Variants in RANBP17 observed in about 807,000 individuals in gnomAD.
RANBP17 encodes ran-binding protein 17.
In RANBP17, 158 loss-of-function variants were observed where a neutral mutation model predicts 141.2. The ratio of observed to expected loss-of-function variants is 1.12; its 90% confidence interval spans 0.98 to 1.28. RANBP17 has a LOEUF of 1.28. Among genes scored for constraint, RANBP17 ranks in the 50% most tolerant of loss-of-function variants. The pLI is 0.00. For missense variants in RANBP17, 1,438 were observed against 1,290.7 expected (o/e 1.11, Z -1.75); for synonymous variants, 430 against 450.0 (o/e 0.96, Z 0.56).
chr5:171,050,587 G>C (rs1321773097), intron 14 of RANBP17, among the ~76,000 whole-genome samples: 1 of 152,082 alleles, frequency 6.6e-6, no homozygotes, highest in Non-Finnish European at 1.5e-5. Context: ...TGTGCCTGTG[G>C]TCCCAGCTCT....
chr5:171,253,607 A>C (rs1342892207), intron 24 of RANBP17, among the ~76,000 whole-genome samples: 4 of 152,194 alleles, frequency 2.6e-5, no homozygotes, highest in Non-Finnish European at 4.4e-5. Flanking sequence ...TGTTTCCCCA[A>C]GGGGAAAGAC....
rs1771380673 is a variant in RANBP17 at position 170,909,754 on chromosome 5, CTT to C, written c.586_587del (p.Leu196LysfsTer28). On this transcript the variant is annotated frameshift_variant, in exon 6 of 28. Transcript: ENST00000523189. LOFTEE classifies it high-confidence loss of function. ...AGACGTTTTAGTGCTAGCATGCTCT[CTT>C]TTAAAAGAGGTAAGTTATTTGATAA... is the stretch of plus-strand genomic sequence containing the variant. ...LKDVLVLACS[L>X]LKEVFAKPLN... The C allele has an allele frequency of 6.7e-7, 1 of 1,503,492 alleles. No individual in the cohort carries two copies. The highest frequency in any genetic ancestry group is 9.2e-7 in the Non-Finnish European group (1 of 1,082,666). The allele number at this position is 1,503,492 out of a possible 1,614,324, so 93.1% of individuals were successfully genotyped here. A position where few individuals can be genotyped will look rare whatever the true frequency, so the allele number is the denominator to read the frequency against.
intron 14 of RANBP17, among the ~76,000 whole-genome samples, chr5:171,168,780 G>T (rs1008603397): frequency 2.6e-5 from 4 of 152,096 alleles, no homozygotes; most frequent in Non-Finnish European, 5.9e-5. Context: ...TTTCTGTAGG[G>T]CTCAGAAGTT....
intron 14 of RANBP17, among the ~76,000 whole-genome samples, chr5:171,165,224 C>T (rs1473941643): frequency 6.6e-6 from 1 of 152,106 alleles, no homozygotes; most frequent in African/African-American, 2.4e-5. Flanking sequence ...CTCTGTCACC[C>T]AGGCTGGAGT....
chr5:171,266,567 G>T (rs752990445), intron 25 of RANBP17, among the ~76,000 whole-genome samples: 93 of 152,106 alleles, frequency 6.1e-4, no homozygotes, highest in Non-Finnish European at 9.8e-4. Flanking sequence ...AGGATTGCTT[G>T]AGCCCAGAAG....
chr5:171,283,661 C>T (rs1767986883), intron 25 of RANBP17, among the ~76,000 whole-genome samples: 1 of 152,222 alleles, frequency 6.6e-6, no homozygotes, highest in Non-Finnish European at 1.5e-5. Flanking sequence ...CATTTTGGAT[C>T]CTTTCGTAGT....
intron 22 of RANBP17, among the ~76,000 whole-genome samples, chr5:171,224,704 T>C (rs1375335395): frequency 6.6e-6 from 1 of 152,076 alleles, no homozygotes; most frequent in Non-Finnish European, 1.5e-5. Context: ...AGACAAAACG[T>C]CCAGAGCATT....
chr5:171,171,187 G>T lies in RANBP17; in HGVS notation c.1785-19G>T. 7.3e-7 allele frequency: 1 copy of T among 1,377,308 alleles called. No homozygotes were observed. Among genetic ancestry groups the T allele is most frequent in the Non-Finnish European group, 1.0e-6 (1 of 982,014 alleles). 85.3% of individuals were successfully genotyped at this position (1,377,308 alleles called of 1,614,324 possible). On this transcript the variant is annotated intron_variant, in intron 15 of 27. Transcript: ENST00000523189. ...AGCAAATATCTTACTTATAATTAAA[G>T]ACTTTTTTTCATATTTAGTGTTACA...
intron 14 of RANBP17, among the ~76,000 whole-genome samples, chr5:171,035,087 A>G (rs1397407466): frequency 6.6e-6 from 1 of 152,222 alleles, no homozygotes; most frequent in Non-Finnish European, 1.5e-5. Flanking sequence ...AATTATAAGT[A>G]TAAGAAATGC....
intron 24 of RANBP17, among the ~76,000 whole-genome samples, chr5:171,259,412 C>T (rs1377184780): frequency 1.3e-5 from 2 of 152,138 alleles, no homozygotes; most frequent in Non-Finnish European, 2.9e-5. Flanking sequence ...AGGACTGCCT[C>T]ACTCAAATGT....
chr5:170,904,648 C>T (rs1770930269), intron 5 of RANBP17, among the ~76,000 whole-genome samples: 1 of 152,048 alleles, frequency 6.6e-6, no homozygotes. Context: ...TAGTGAAATC[C>T]TAGTACCTGA....
Position 170,870,091 on chromosome 5 carries a change from A to G in RANBP17, c.19-8006A>G, listed in dbSNP as rs80277754. On this transcript the variant is annotated intron_variant, in intron 1 of 27. Transcript: ENST00000523189. ...CCAGCAGGATCAGTTTATTAATTAT[A>G]CCGAGTATTATCAGTTCTAAAATTC... Among the ~76,000 whole-genome samples, 366 of 152,288 alleles carry G rather than the reference A, an allele frequency of 2.4e-3. 13 individuals are homozygous for G. The East Asian group carries it at 0.063, about 26-fold the overall frequency.
chr5:171,103,471 A>G (rs1004342099), intron 14 of RANBP17, among the ~76,000 whole-genome samples: 2 of 152,146 alleles, frequency 1.3e-5, no homozygotes, highest in African/African-American at 4.8e-5. Flanking sequence ...CAAGCATCCC[A>G]GGTCGACTTC....
chr5:171,084,215 G>GT (rs1319639654), intron 14 of RANBP17, among the ~76,000 whole-genome samples: 1 of 148,980 alleles, frequency 6.7e-6, no homozygotes, highest in East Asian at 2.0e-4. Flanking sequence ...TGCAGTGTTT[G>GT]TTTTTTTGTT....
intron 13 of RANBP17, among the ~76,000 whole-genome samples, chr5:170,963,108 A>G (rs1266737824): frequency 6.6e-6 from 1 of 152,230 alleles, no homozygotes; most frequent in African/African-American, 2.4e-5. Flanking sequence ...GGTAAAAATA[A>G]TTGGTCAAGA....
intron 14 of RANBP17, among the ~76,000 whole-genome samples, chr5:171,113,190 T>C (rs1178158611): frequency 1.3e-5 from 2 of 152,208 alleles, no homozygotes; most frequent in Non-Finnish European, 2.9e-5. Context: ...CACTGTCACA[T>C]CATCTGCCCT....
intron 22 of RANBP17, among the ~76,000 whole-genome samples, chr5:171,240,000 G>T (rs879280452): frequency 6.6e-6 from 1 of 152,112 alleles, no homozygotes; most frequent in Non-Finnish European, 1.5e-5. Context: ...AAGGGAAGTG[G>T]ATTCTAAGAA....
At chr5:171,005,073 A>AT (rs1779495667) in intron 14 of RANBP17, among the ~76,000 whole-genome samples, 1 of 152,064 alleles carries the variant, frequency 6.6e-6, no homozygotes, top group Non-Finnish European at 1.5e-5. Context: ...CCGGATTCCA[A>AT]TTTTTGAAGC....
rs190756309 is a variant in RANBP17, at chr5:171,105,105, G to A, written c.1711-65025G>A. ...TCTTTATTTAAAAAATTTTCCAGCC[G>A]GGCGCGGTGGCTCACGCCTGTAATC... is the stretch of plus-strand genomic sequence containing the variant. On this transcript the variant is annotated intron_variant, in intron 14 of 27. Coordinates refer to ENST00000523189, the MANE Select transcript of RANBP17 (RefSeq NM_022897.5). 2.6e-4 allele frequency among the ~76,000 whole-genome samples: 39 copies of A among 151,948 alleles called. No homozygotes were observed. The East Asian group carries it at 4.6e-3, about 18-fold the overall frequency.
Sources: gnomAD v4.1 joint callset for allele counts (sites outside exome capture counted in the v4.1 genomes callset) on GRCh38, gnomAD v4.1.1 for gene constraint, MANE v1.5 for transcripts, NCBI Gene and HGNC (gene_info 2026-07-23, HGNC 2026-07-21) for gene names.